The following RFC5 variants were observed in gnomAD, a reference collection of about 807,000 sequenced individuals.
RFC5 encodes A1 36 kDa subunit.
Under a neutral mutation model 44.3 loss-of-function variants are expected in RFC5, and 26 were observed. The ratio of observed to expected loss-of-function variants is 0.59; its 90% confidence interval spans 0.43 to 0.81. The LOEUF is 0.81. Among genes scored for constraint, RFC5 ranks in the 40% least tolerant of loss-of-function variants. The probability of loss-of-function intolerance (pLI) is 0.00; values close to 1 mark genes in which losing one functional copy is unlikely to be tolerated. For missense variants in RFC5, 328 were observed against 418.6 expected, an observed-to-expected ratio of 0.78 and a Z score of 1.89; for synonymous variants, 155 against 155.2, an observed-to-expected ratio of 1.00 and a Z score of 0.01.
At chr12:118,030,624 G>A (rs1156482618) in intron 10 of RFC5, among the ~76,000 whole-genome samples, 1 of 152,048 alleles carries the variant, frequency 6.6e-6, no homozygotes, top group African/African-American at 2.4e-5. Flanking sequence ...TCAGAACACC[G>A]CTGTTGACAC....
downstream of RFC5, chr12:118,034,528 C>T: frequency 1.3e-6 from 1 of 744,714 alleles, no homozygotes; most frequent in Non-Finnish European, 2.1e-6. Flanking sequence ...ATAATTAAAG[C>T]TGCTGATAGG....
chr12:118,027,686 A>G (rs1381266351), intron 8 of RFC5, among the ~76,000 whole-genome samples: 1 of 150,224 alleles, frequency 6.7e-6, no homozygotes, highest in African/African-American at 2.5e-5. Flanking sequence ...AAAAAAAAAA[A>G]GAAAGAAAGA....
At chr12:118,021,048 T>A in intron 4 of RFC5, 63 bp downstream of exon 4, 1 of 1,022,320 alleles carries the variant, frequency 9.8e-7, no homozygotes, top group Non-Finnish European at 1.5e-6. Context: ...ATGGGTTAAT[T>A]TTTTAATCCT....
At chr12:118,039,901 G>A in the RFC5 span, among the ~76,000 whole-genome samples, 1 of 151,938 alleles carries the variant, frequency 6.6e-6, no homozygotes, top group East Asian at 1.9e-4. Flanking sequence ...CTGCCACCAT[G>A]CCCTGCTAAT....
chr12:118,017,568 C>G, intron 1 of RFC5: 1 of 720,138 alleles, frequency 1.4e-6, no homozygotes, highest in Non-Finnish European at 1.8e-6. Context: ...GGCTTGGCTT[C>G]GAAAAGCTGC....
At position 118,019,265 on chromosome 12, in the gene RFC5, T is replaced by C. The variant is rs1423924776; in HGVS notation, c.130+129T>C. 1.4e-6 allele frequency: 1 copy of C among 739,608 alleles called. No homozygotes were observed. The highest frequency in any genetic ancestry group is 1.7e-5 in the African/African-American group (1 of 57,598). 45.8% of individuals were successfully genotyped at this position (739,608 alleles called of 1,614,324 possible). Reference sequence around the variant, plus strand: ...CGCTTTGTAGAATGTGGCTTTAAGATCATTCATTCATTTTCTTCAGGTTGC... The same window carrying C: ...CGCTTTGTAGAATGTGGCTTTAAGACCATTCATTCATTTTCTTCAGGTTGC... On this transcript the variant is annotated intron_variant, in intron 2 of 10. Coordinates refer to ENST00000454402, the MANE Select transcript of RFC5 (RefSeq NM_007370.7). This position sits in a 1 kb window ranked among gnomAD's most constrained non-coding sequence, Gnocchi z 4.2.
the RFC5 span, among the ~76,000 whole-genome samples, chr12:118,040,989 C>T: frequency 6.6e-6 from 1 of 152,234 alleles, no homozygotes; most frequent in Non-Finnish European, 1.5e-5. Context: ...GCGGAGGTTG[C>T]AGTGAGCTGA....
chr12:118,035,380 C>G, downstream of RFC5: 1 of 1,509,490 alleles, frequency 6.6e-7, no homozygotes, highest in Non-Finnish European at 9.2e-7. Flanking sequence ...TCTCCACCCT[C>G]CATCATCACC....
intron 5 of RFC5, among the ~76,000 whole-genome samples, chr12:118,024,185 T>TA (rs1170756847): frequency 1.3e-5 from 2 of 151,672 alleles, no homozygotes; most frequent in East Asian, 2.0e-4. Context: ...ACTAAAAATA[T>TA]AAAAAATTAG....
At chr12:118,018,707 T>C (rs1474486235) in intron 1 of RFC5, among the ~76,000 whole-genome samples, 1 of 152,184 alleles carries the variant, frequency 6.6e-6, no homozygotes, top group Non-Finnish European at 1.5e-5. Context: ...CCTCCCGGGT[T>C]CCAGCAATTC....
chr12:118,022,103 G>C (rs2030541651), intron 4 of RFC5, among the ~76,000 whole-genome samples, 183 bp from the exon 5 acceptor site: 1 of 152,182 alleles, frequency 6.6e-6, no homozygotes, highest in African/African-American at 2.4e-5. Flanking sequence ...TCCCACCAAG[G>C]GTTGAAGGAG....
the RFC5 span, among the ~76,000 whole-genome samples, chr12:118,040,670 A>G: frequency 9.9e-5 from 15 of 151,000 alleles, no homozygotes; most frequent in Non-Finnish European, 2.1e-4. Flanking sequence ...AAAAAAAAAA[A>G]GAGGCACTGC....
In RFC5 at chr12:118,027,151, G is replaced by A. The variant is rs2031004852; in HGVS notation, c.793+133G>A. The A allele has an allele frequency of 2.8e-5, 24 of 868,864 alleles. 1 individual carries two copies. The South Asian group carries it at 3.3e-4, about 12-fold the overall frequency. 53.8% of individuals were successfully genotyped at this position (868,864 alleles called of 1,614,324 possible). On this transcript the variant is annotated intron_variant, in intron 8 of 10. Coordinates refer to ENST00000454402, the MANE Select transcript of RFC5 (RefSeq NM_007370.7). ...CGACTCTGGTCAGCTTGTTGTGGGA[G>A]TGAGATGTCTGTAGGTGGAGTGGGT... is the stretch of plus-strand genomic sequence containing the variant.
rs980794123 is a variant in RFC5 at position 118,032,023 on chromosome 12, G to A, written c.*745G>A. On this transcript the variant is annotated 3_prime_UTR_variant, in exon 11 of 11. Coordinates refer to ENST00000454402, the MANE Select transcript of RFC5 (RefSeq NM_007370.7). ...GAACTGCGGAAGGACTGGGACTTTT[G>A]TACAAATTTCACATTTATTTTACAG... The A allele has an allele frequency of 6.6e-6, 1 of 152,146 alleles. No homozygotes were observed. The highest frequency in any genetic ancestry group is 2.4e-5 in the African/African-American group (1 of 41,426). 9.4% of individuals were successfully genotyped at this position (152,146 alleles called of 1,614,324 possible).
At chr12:118,034,174 G>A, downstream of RFC5, 1 of 1,613,772 alleles carries the variant, frequency 6.2e-7, no homozygotes, top group Non-Finnish European at 8.5e-7. Flanking sequence ...CTGCTACAAA[G>A]AAGCACAAGA....
At chr12:118,034,251 A>G, downstream of RFC5, 1 of 1,614,214 alleles carries the variant, frequency 6.2e-7, no homozygotes. Flanking sequence ...TGGCAGTGCT[A>G]GGACTTGGTA....
chr12:118,025,803 T>G lies in RFC5; in HGVS notation c.638T>G (p.Met213Arg), dbSNP rs374371013. Residue 213 changes from methionine to arginine, a missense_variant, in exon 7 of 11, where the codon ATG (methionine) becomes AGG (arginine). Met to Arg is a moderately conservative substitution (Grantham distance 91, BLOSUM62 -1). Coordinates refer to ENST00000454402, the MANE Select transcript of RFC5 (RefSeq NM_007370.7). Reference protein sequence around the residue: ...KALVTLSSGDMRRALNILQST... With the variant: ...KALVTLSSGDRRRALNILQST... ...CTAGTCACTCTTTCCAGTGGAGACA[T>G]GCGTAGGGCTCTGAACATTTTGCAG... 1 of 1,604,624 alleles carries G rather than the reference T, an allele frequency of 6.2e-7. No homozygotes were observed. The highest frequency in any genetic ancestry group is 1.1e-5 in the South Asian group (1 of 90,830).
At chr12:118,027,083 G>A (rs2030999344) in intron 8 of RFC5, 65 bp downstream of exon 8, 2 of 1,536,392 alleles carry the variant, frequency 1.3e-6, no homozygotes, top group Admixed American at 1.8e-5. Flanking sequence ...TCAGGTTGCA[G>A]CCAGCACCCA....
intron 5 of RFC5, among the ~76,000 whole-genome samples, chr12:118,024,147 C>G (rs1449095840): frequency 6.6e-6 from 1 of 152,042 alleles, no homozygotes; most frequent in Non-Finnish European, 1.5e-5. Flanking sequence ...CGAGACCATC[C>G]TGGCTAACAT....
Sources: allele counts gnomAD v4.1 joint callset (sites outside exome capture counted in the v4.1 genomes callset), GRCh38; gene constraint gnomAD v4.1.1; non-coding constraint Gnocchi (gnomAD v3.1); transcripts MANE v1.5; gene names NCBI Gene and HGNC (gene_info 2026-07-23, HGNC 2026-07-21).